The following NTM variants were observed in gnomAD, a reference collection of about 807,000 sequenced individuals.
The protein encoded by NTM is neurotrimin, also known as IgLON family member 2.
NTM carries 13 observed loss-of-function variants against 42.1 expected under a neutral mutation model. The observed-to-expected ratio is 0.31, with a 90% CI of 0.20 to 0.49. The LOEUF (loss-of-function observed/expected upper bound fraction) is 0.49, where lower values mean the gene tolerates loss of function less well. Ranked by LOEUF, NTM falls within the 20% of genes least tolerant of loss-of-function variation. NTM has a pLI of 0.99. For missense variants in NTM, 373 were observed against 452.8 expected, an observed-to-expected ratio of 0.82 and a Z score of 1.60; for synonymous variants, 187 against 179.2, an observed-to-expected ratio of 1.04 and a Z score of -0.35.
intron 1 of NTM, among the ~76,000 whole-genome samples, chr11:131,827,159 G>A (rs2042235851): frequency 6.6e-6 from 1 of 152,004 alleles, no homozygotes; most frequent in African/African-American, 2.4e-5. Flanking sequence ...TTGGAAAGGG[G>A]AAAATAAATA....
At chr11:131,712,912 G>C (rs1352491094) in intron 1 of NTM, among the ~76,000 whole-genome samples, 1 of 152,008 alleles carries the variant, frequency 6.6e-6, no homozygotes, top group Non-Finnish European at 1.5e-5. Flanking sequence ...GAAGAAAGCA[G>C]GAAGGGAAGA....
intron 1 of NTM, among the ~76,000 whole-genome samples, chr11:131,905,762 C>G (rs1401523857): frequency 6.6e-6 from 1 of 152,136 alleles, no homozygotes; most frequent in East Asian, 1.9e-4. Flanking sequence ...CTATGTCTCT[C>G]CCATTCATTG....
At chr11:132,302,762 G>A (rs951551688) in intron 4 of NTM, among the ~76,000 whole-genome samples, 15 of 152,204 alleles carry the variant, frequency 9.9e-5, no homozygotes, top group Admixed American at 3.3e-4. Context: ...AGTTGCAGGA[G>A]CAGTGGATTG....
At chr11:131,582,487 A>AGTTAAACT (rs1325100159) in intron 1 of NTM, 2 of 152,110 alleles carry the variant, frequency 1.3e-5, no homozygotes, top group Non-Finnish European at 2.9e-5. Flanking sequence ...TATGCTTTGG[A>AGTTAAACT]GTTAAACTGC....
chr11:131,912,541 G>C (rs2055384744), intron 2 of NTM, among the ~76,000 whole-genome samples: 2 of 152,070 alleles, frequency 1.3e-5, no homozygotes, highest in Admixed American at 1.3e-4. Context: ...TCTCATATGC[G>C]GGCAAAACAC....
intron 2 of NTM, among the ~76,000 whole-genome samples, chr11:132,026,173 T>A (rs2075149551): frequency 6.6e-6 from 1 of 152,234 alleles, no homozygotes; most frequent in Non-Finnish European, 1.5e-5. Flanking sequence ...GTGCTGTGTA[T>A]ATGCTCATAA....
intron 1 of NTM, among the ~76,000 whole-genome samples, chr11:131,659,252 C>T (rs1054256905): frequency 6.6e-6 from 1 of 152,218 alleles, no homozygotes; most frequent in African/African-American, 2.4e-5. Context: ...GGTACTGACA[C>T]CACAGACCCT....
intron 1 of NTM, among the ~76,000 whole-genome samples, chr11:131,657,295 A>T (rs2067329916): frequency 1.3e-5 from 2 of 152,060 alleles, no homozygotes; most frequent in South Asian, 4.2e-4. Flanking sequence ...CCAGCCTTCG[A>T]TTTGGGAAAG....
intron 3 of NTM, among the ~76,000 whole-genome samples, chr11:132,148,881 C>G (rs1566302510): frequency 6.6e-6 from 1 of 152,076 alleles, no homozygotes; most frequent in Non-Finnish European, 1.5e-5. Context: ...TGGAAAATGT[C>G]TAATCCCTTG....
chr11:132,060,861 C>G (rs1206395782), intron 2 of NTM, among the ~76,000 whole-genome samples: 1 of 152,126 alleles, frequency 6.6e-6, no homozygotes, highest in Non-Finnish European at 1.5e-5. Flanking sequence ...GTCATAACTG[C>G]AAATGATTGT....
intron 1 of NTM, among the ~76,000 whole-genome samples, chr11:131,476,654 T>C (rs563299807): frequency 1.3e-5 from 2 of 152,048 alleles, no homozygotes; most frequent in South Asian, 4.2e-4. Flanking sequence ...ATCAAGACAA[T>C]AAAAGAAAAA....
intron 1 of NTM, among the ~76,000 whole-genome samples, chr11:131,598,307 G>A (rs1326878051): frequency 6.6e-6 from 1 of 152,252 alleles, no homozygotes; most frequent in Admixed American, 6.5e-5. Context: ...TGTGGTGCCA[G>A]ATGGTAATGT....
In NTM at chr11:132,326,856, G is replaced by A. The variant is rs566450243; in HGVS notation, c.935-3297G>A. Among the ~76,000 whole-genome samples, 12 of 152,264 alleles carry A rather than the reference G, an allele frequency of 7.9e-5. No homozygotes were observed. In the South Asian group the frequency reaches 1.5e-3, roughly 18 times the overall value. ...AGCTATGTATTTTCTCAGGAAATACGCTCCAAGTTATACTTACCTTACCTC... is the reference window on the plus strand; with the variant it reads ...AGCTATGTATTTTCTCAGGAAATACACTCCAAGTTATACTTACCTTACCTC... On this transcript the variant is annotated intron_variant, in intron 7 of 8. Transcript: ENST00000683400.
chr11:131,789,635 AAAAGAAGAAGAAGAAGAAG>A (rs2090467111), intron 1 of NTM, among the ~76,000 whole-genome samples: 3 of 37,938 alleles, frequency 7.9e-5, no homozygotes, highest in African/African-American at 2.8e-4. Context: ...GAAGAAGAAG[AAAAGAAGAAGAAGAAGAAG>A]AAGAAGAAGA....
chr11:131,522,976 G>A (rs866738592), intron 1 of NTM, among the ~76,000 whole-genome samples: 3 of 152,222 alleles, frequency 2.0e-5, no homozygotes, highest in Non-Finnish European at 4.4e-5. Flanking sequence ...AGAGCTATGA[G>A]TTACTGGGTT....
chr11:132,189,533 C>T (rs1287135973), intron 3 of NTM, among the ~76,000 whole-genome samples: 2 of 152,144 alleles, frequency 1.3e-5, no homozygotes, highest in African/African-American at 2.4e-5. Context: ...GAAGAAGGAA[C>T]CGAACTTGGA....
chr11:131,855,478 C>A (rs960841865), intron 1 of NTM, among the ~76,000 whole-genome samples: 4 of 152,182 alleles, frequency 2.6e-5, no homozygotes, highest in African/African-American at 9.7e-5. Context: ...CTCATTCCAG[C>A]AAAGAAAACA....
At chr11:132,328,755 C>G (rs913039852) in intron 7 of NTM, among the ~76,000 whole-genome samples, 1 of 151,934 alleles carries the variant, frequency 6.6e-6, no homozygotes, top group African/African-American at 2.4e-5. Context: ...TTTTTCTTGG[C>G]ACAGAGAGGA....
intron 4 of NTM, among the ~76,000 whole-genome samples, chr11:132,291,325 A>G (rs2140002602): frequency 6.6e-6 from 1 of 152,282 alleles, no homozygotes; most frequent in South Asian, 2.1e-4. Flanking sequence ...AGCGTTAAGT[A>G]CTGAGTATGA....
Sources: gnomAD v4.1 joint callset for allele counts (sites outside exome capture counted in the v4.1 genomes callset) on GRCh38, gnomAD v4.1.1 for gene constraint, MANE v1.5 for transcripts, NCBI Gene and HGNC (gene_info 2026-07-23, HGNC 2026-07-21) for gene names.